The following CCDC112 variants were observed in gnomAD, a reference collection of about 807,000 sequenced individuals.
CCDC112 encodes coiled-coil domain containing 112, also known as coiled-coil domain-containing protein 112.
Under a neutral mutation model 66.3 loss-of-function variants are expected in CCDC112, and 40 were observed. The ratio of observed to expected loss-of-function variants is 0.60; its 90% CI spans 0.47 to 0.79. The LOEUF (loss-of-function observed/expected upper bound fraction) is 0.79, where lower values mean the gene tolerates loss of function less well. CCDC112 is among the 30% of genes least tolerant of loss of function. The pLI is 0.00. For missense variants in CCDC112, 659 were observed against 603.8 expected (o/e 1.09, Z -0.96); for synonymous variants, 214 against 197.2 (o/e 1.09, Z -0.71).
intron 1 of CCDC112, among the ~76,000 whole-genome samples, chr5:115,286,483 T>G (rs541250648): frequency 5.9e-5 from 9 of 152,348 alleles, no homozygotes; most frequent in African/African-American, 2.2e-4. Context: ...TTCCATTATT[T>G]GGCCAAATTA....
chr5:115,287,702 T>TA, intron 1 of CCDC112, among the ~76,000 whole-genome samples: 1 of 146,686 alleles, frequency 6.8e-6, no homozygotes, highest in African/African-American at 2.5e-5. Context: ...TTTCCTTTTT[T>TA]TTTTTTTTTT....
chr5:115,270,336 C>T (rs35948019), intron 7 of CCDC112, among the ~76,000 whole-genome samples: 30,572 of 152,054 alleles, frequency 0.2, 3,505 homozygotes, highest in Middle Eastern at 0.37. Context: ...AACATTGCTG[C>T]TATATATTTT....
rs756373350 is a variant in CCDC112 at position 115,268,839 on chromosome 5, C to T, written c.1547+43G>A. ...AAGTGCATAAAATATAAACATGCAG[C>T]AATTAAATTACTAAATGAACACCAA... On this transcript the variant is annotated intron_variant, in intron 9 of 9. Coordinates refer to ENST00000379611, the MANE Select transcript of CCDC112 (RefSeq NM_001040440.3). The T allele has an allele frequency of 1.4e-5, 15 of 1,048,014 alleles. No individual in the cohort carries two copies. In the African/African-American group the frequency reaches 2.3e-4, roughly 16 times the overall value. The allele number at this position is 1,048,014 out of a possible 1,614,324, so 64.9% of individuals were successfully genotyped here. A position where few individuals can be genotyped will look rare whatever the true frequency, so the allele number is the denominator to read the frequency against.
At chr5:115,275,730 A>C (rs953797393) in intron 5 of CCDC112, 124 bp from the exon 6 acceptor site, 40 of 775,834 alleles carry the variant, frequency 5.2e-5, no homozygotes, top group Non-Finnish European at 7.4e-5. Context: ...AACATTTATA[A>C]ATTTAAGCCT....
At chr5:115,284,993 T>C (rs1175534339) in intron 1 of CCDC112, 85 bp from the exon 2 acceptor site, 9 of 1,286,660 alleles carry the variant, frequency 7.0e-6, no homozygotes, top group African/African-American at 1.5e-5. Context: ...AAAATGTCAA[T>C]AGTTGAGTTT....
intron 7 of CCDC112, among the ~76,000 whole-genome samples, chr5:115,270,154 T>C (rs374808804): frequency 6.6e-6 from 1 of 152,152 alleles, no homozygotes; most frequent in Admixed American, 6.5e-5. Context: ...TCTTTTATTA[T>C]GTGTCCTGCT....
At chr5:115,278,756 G>A (rs999755602) in intron 3 of CCDC112, among the ~76,000 whole-genome samples, 1 of 152,110 alleles carries the variant, frequency 6.6e-6, no homozygotes, top group Non-Finnish European at 1.5e-5. Flanking sequence ...TTTTAAAGTA[G>A]TGTAATCTTT....
chr5:115,272,912 A>G (rs1163553705), intron 6 of CCDC112, among the ~76,000 whole-genome samples: 1 of 152,220 alleles, frequency 6.6e-6, no homozygotes, highest in Non-Finnish European at 1.5e-5. Context: ...AAATCAATGC[A>G]CTGCTTCTTT....
intron 1 of CCDC112, among the ~76,000 whole-genome samples, chr5:115,294,864 T>G (rs1750082046): frequency 6.6e-6 from 1 of 152,212 alleles, no homozygotes; most frequent in Non-Finnish European, 1.5e-5. Context: ...AATGCTGCAT[T>G]GTTTTGTTTT....
In CCDC112 at chr5:115,276,084, C is replaced by T. The variant is rs369433727; in HGVS notation, c.452-15G>A. ...CTTCTCAACAACTGTAAAAGAAACA[C>T]GGAAAATTATTTTGTGCCATTTTCC... is the stretch of plus-strand genomic sequence containing the variant. On this transcript the variant is annotated splice_polypyrimidine_tract_variant and intron_variant, in intron 4 of 9. Transcript: ENST00000379611. The T allele has an allele frequency of 6.4e-5, 100 of 1,569,580 alleles. 1 individual carries two copies. The highest frequency in any genetic ancestry group is 1.1e-4 in the South Asian group (9 of 84,316).
chr5:115,296,586 C>A lies in CCDC112; in HGVS notation c.-43G>T. On this transcript the variant is annotated 5_prime_UTR_variant, in exon 1 of 10. It adds an upstream start codon to the 5' untranslated region. Transcript: ENST00000379611. ...CTCGGGCCGCGGCGGCCACCGGTGCCTGGGGATTCGTGGCAGGCGCACCCT... is the reference window on the plus strand; with the variant it reads ...CTCGGGCCGCGGCGGCCACCGGTGCATGGGGATTCGTGGCAGGCGCACCCT... 7.0e-7 allele frequency: 1 copy of A among 1,426,320 alleles called. No homozygotes were observed. Among genetic ancestry groups the A allele is most frequent in the East Asian group, 2.9e-5 (1 of 35,018 alleles). 88.4% of individuals were successfully genotyped at this position (1,426,320 alleles called of 1,614,324 possible).
chr5:115,290,321 T>G (rs1749868097), intron 1 of CCDC112, among the ~76,000 whole-genome samples: 1 of 152,244 alleles, frequency 6.6e-6, no homozygotes, highest in African/African-American at 2.4e-5. Flanking sequence ...TGACTCTCAT[T>G]GATCTATATG....
chr5:115,271,095 T>A (rs1043488341), intron 7 of CCDC112, 118 bp downstream of exon 7: 1 of 857,084 alleles, frequency 1.2e-6, no homozygotes, highest in Non-Finnish European at 1.8e-6. Context: ...CTCATTTTGG[T>A]ATACTAATGC....
chr5:115,272,321 G>A (rs1317338448), intron 6 of CCDC112, among the ~76,000 whole-genome samples: 1 of 152,114 alleles, frequency 6.6e-6, no homozygotes, highest in Non-Finnish European at 1.5e-5. Flanking sequence ...CTTTCTGAGT[G>A]ATCTTTATCT....
intron 2 of CCDC112, among the ~76,000 whole-genome samples, chr5:115,281,577 T>C (rs983992027): frequency 2.6e-5 from 4 of 152,170 alleles, no homozygotes; most frequent in Non-Finnish European, 5.9e-5. Flanking sequence ...TGGTTGCAGA[T>C]GGGGAAAATT....
intron 1 of CCDC112, among the ~76,000 whole-genome samples, chr5:115,295,381 A>G (rs1267689767): frequency 6.6e-6 from 1 of 152,176 alleles, no homozygotes; most frequent in Non-Finnish European, 1.5e-5. Flanking sequence ...CGTATTATGT[A>G]TATTTATATA....
Position 115,296,529 on chromosome 5 carries a change from C to G in CCDC112, c.15G>C (p.Thr5=). Residue 5 remains threonine, a synonymous_variant, in exon 1 of 10, where the codon ACG becomes ACC. Coordinates refer to ENST00000379611, the MANE Select transcript of CCDC112 (RefSeq NM_001040440.3). MAAL[T]TVVVAAAATA... is the part of the protein sequence containing the mutation. ...TGGCCGCAGCCGCTACCACAACCGT[C>G]GTCAGTGCGGCCATGTTTACCCGCC... 1 of 1,532,806 alleles carries G rather than the reference C, an allele frequency of 6.5e-7. No homozygotes were observed. The highest frequency in any genetic ancestry group is 8.7e-7 in the Non-Finnish European group (1 of 1,144,280). 95.0% of individuals were successfully genotyped at this position (1,532,806 alleles called of 1,614,324 possible).
At chr5:115,277,672 C>A (rs1042101244) in intron 3 of CCDC112, among the ~76,000 whole-genome samples, 3 of 152,034 alleles carry the variant, frequency 2.0e-5, no homozygotes, top group African/African-American at 7.2e-5. Context: ...AAATATTAGG[C>A]CCACAATAAA....
chr5:115,280,057 G>A (rs574595481), intron 2 of CCDC112, among the ~76,000 whole-genome samples: 4 of 152,256 alleles, frequency 2.6e-5, no homozygotes, highest in African/African-American at 9.6e-5. Flanking sequence ...ATAAGCTTTT[G>A]ACTATTGATT....
Sources: allele counts gnomAD v4.1 joint callset (sites outside exome capture counted in the v4.1 genomes callset), GRCh38; gene constraint gnomAD v4.1.1; transcripts MANE v1.5; gene names NCBI Gene and HGNC (gene_info 2026-07-23, HGNC 2026-07-21).